The following TDRD3 variants were observed in gnomAD, a reference collection of about 807,000 sequenced individuals.
TDRD3 encodes the protein tudor domain containing 3.
TDRD3 carries 45 observed loss-of-function variants against 86.7 expected under a neutral mutation model. That is an observed-to-expected ratio of 0.52 (90% CI 0.41 to 0.67). The LOEUF is 0.67. Ranked by LOEUF, TDRD3 falls within the 30% of genes least tolerant of loss-of-function variation. The pLI is 0.00. For missense variants in TDRD3, 814 were observed against 889.0 expected, an observed-to-expected ratio of 0.92 and a Z score of 1.07; for synonymous variants, 298 against 301.7, an observed-to-expected ratio of 0.99 and a Z score of 0.13.
chr13:60,421,813 A>T (rs1002788170), intron 1 of TDRD3, among the ~76,000 whole-genome samples: 2 of 152,208 alleles, frequency 1.3e-5, no homozygotes, highest in African/African-American at 4.8e-5. Flanking sequence ...GCAGACCTCG[A>T]AAAAAACTAC....
chr13:60,451,888 A>G (rs981434870), intron 3 of TDRD3, among the ~76,000 whole-genome samples: 3 of 152,158 alleles, frequency 2.0e-5, no homozygotes, highest in African/African-American at 7.2e-5. Flanking sequence ...TAAAAATATC[A>G]TGTTGGAGTT....
At chr13:60,510,030 T>C (rs1595045966) in intron 9 of TDRD3, 111 bp downstream of exon 9, 15 of 1,319,314 alleles carry the variant, frequency 1.1e-5, no homozygotes, top group East Asian at 4.9e-5. Context: ...TTTAACATTA[T>C]GGTAAGTGGA....
intron 1 of TDRD3, among the ~76,000 whole-genome samples, chr13:60,437,608 A>G (rs1179355142): frequency 1.3e-5 from 2 of 150,576 alleles, no homozygotes; most frequent in Non-Finnish European, 3.0e-5. Context: ...TTAATTTATT[A>G]TAATATAAAT....
At chr13:60,562,080 G>A (rs1013887798) in intron 12 of TDRD3, among the ~76,000 whole-genome samples, 3 of 152,120 alleles carry the variant, frequency 2.0e-5, no homozygotes, top group Admixed American at 6.6e-5. Flanking sequence ...AGAGGCCAAG[G>A]TGTGTGGATC....
At chr13:60,527,314 C>A (rs1957464507) in intron 10 of TDRD3, among the ~76,000 whole-genome samples, 1 of 152,132 alleles carries the variant, frequency 6.6e-6, no homozygotes, top group South Asian at 2.1e-4. Flanking sequence ...GGGGAGGGTC[C>A]TTTTGGCATT....
chr13:60,413,162 A>T (rs938222765), intron 1 of TDRD3, among the ~76,000 whole-genome samples: 2 of 152,122 alleles, frequency 1.3e-5, no homozygotes, highest in Admixed American at 6.5e-5. Flanking sequence ...TTGTGTTTGA[A>T]ACTGAGATGT....
chr13:60,491,098 G>C (rs1229216710), intron 7 of TDRD3, among the ~76,000 whole-genome samples: 3 of 127,730 alleles, frequency 2.3e-5, no homozygotes, highest in Admixed American at 1.8e-4. Context: ...TGGGCAACAA[G>C]AGCAAAACTC....
intron 10 of TDRD3, among the ~76,000 whole-genome samples, chr13:60,515,125 C>T (rs1025996339): frequency 6.6e-5 from 10 of 152,140 alleles, no homozygotes; most frequent in African/African-American, 2.4e-4. Flanking sequence ...CAAAACAGTA[C>T]TGAGCAAAAT....
intron 7 of TDRD3, among the ~76,000 whole-genome samples, chr13:60,489,456 AGT>A (rs1956529348): frequency 6.6e-6 from 1 of 152,212 alleles, no homozygotes; most frequent in Non-Finnish European, 1.5e-5. Context: ...TTGTCAGTCT[AGT>A]AAAGGGGCCA....
At chr13:60,491,195 G>A (rs1449945334) in intron 7 of TDRD3, among the ~76,000 whole-genome samples, 4 of 151,974 alleles carry the variant, frequency 2.6e-5, no homozygotes, top group Non-Finnish European at 5.9e-5. Flanking sequence ...TGCTTGCCTT[G>A]AAATGAAGAA....
chr13:60,503,986 G>GGTTTTCTTCTTTT (rs1419834111), intron 8 of TDRD3, among the ~76,000 whole-genome samples: 2 of 152,108 alleles, frequency 1.3e-5, no homozygotes, highest in African/African-American at 4.8e-5. Context: ...GGCATCAGAA[G>GGTTTTCTTCTTTT]AAAACCTTGC....
At chr13:60,461,782 A>G (rs1324160196) in intron 4 of TDRD3, among the ~76,000 whole-genome samples, 1 of 152,208 alleles carries the variant, frequency 6.6e-6, no homozygotes, top group Non-Finnish European at 1.5e-5. Context: ...TAAGAGTCTC[A>G]AAAATTACTT....
intron 8 of TDRD3, among the ~76,000 whole-genome samples, chr13:60,497,813 G>A (rs1057389818): frequency 1.3e-5 from 2 of 152,076 alleles, no homozygotes; most frequent in African/African-American, 2.4e-5. Context: ...CCCATCCCCA[G>A]TAATGGCTTG....
chr13:60,565,211 G>T (rs564211753), intron 12 of TDRD3, among the ~76,000 whole-genome samples: 1 of 151,622 alleles, frequency 6.6e-6, no homozygotes, highest in African/African-American at 2.4e-5. Context: ...GCCCGCCACC[G>T]CGCCCGGCTA....
intron 12 of TDRD3, among the ~76,000 whole-genome samples, chr13:60,547,764 T>A (rs979936064): frequency 5.3e-5 from 8 of 152,314 alleles, no homozygotes; most frequent in South Asian, 2.1e-4. Flanking sequence ...GATAAACAGT[T>A]AAGTATTCTA....
At chr13:60,523,790 T>C (rs1184474324) in intron 10 of TDRD3, among the ~76,000 whole-genome samples, 1 of 152,038 alleles carries the variant, frequency 6.6e-6, no homozygotes, top group Non-Finnish European at 1.5e-5. Context: ...TTGGCCAGAC[T>C]AGTTTTGAAC....
intron 10 of TDRD3, among the ~76,000 whole-genome samples, chr13:60,527,189 C>T (rs969482632): frequency 2.0e-5 from 3 of 152,156 alleles, no homozygotes; most frequent in Non-Finnish European, 4.4e-5. Context: ...ACTCAGTAAC[C>T]TTTAAACCTT....
chr13:60,465,838 A>T (rs1034090484), intron 4 of TDRD3, among the ~76,000 whole-genome samples: 1 of 152,170 alleles, frequency 6.6e-6, no homozygotes, highest in African/African-American at 2.4e-5. Flanking sequence ...ATTTATCCTA[A>T]GTATTTACCT....
chr13:60,563,144 C>T (rs1454346235), intron 12 of TDRD3, among the ~76,000 whole-genome samples: 1 of 151,172 alleles, frequency 6.6e-6, no homozygotes, highest in African/African-American at 2.4e-5. Flanking sequence ...GGGAGAATCA[C>T]TTGAACCTGG....
Sources: allele counts gnomAD v4.1 joint callset (sites outside exome capture counted in the v4.1 genomes callset), GRCh38; gene constraint gnomAD v4.1.1; transcripts MANE v1.5; gene names NCBI Gene and HGNC (gene_info 2026-07-23, HGNC 2026-07-21).